The following GRID1 variants were observed in gnomAD, a reference collection of about 807,000 sequenced individuals.
The protein encoded by GRID1 is glutamate ionotropic receptor delta type subunit 1, also known as glutamate receptor ionotropic, delta-1.
A neutral mutation model predicts 98.0 loss-of-function variants in GRID1; 28 were observed. The observed-to-expected ratio is 0.29, with a 90% CI of 0.21 to 0.39. GRID1 has a LOEUF of 0.39. Among genes scored for constraint, GRID1 ranks in the 10% least tolerant of loss-of-function variants. GRID1 has a pLI of 1.00. For missense variants in GRID1, 1,111 were observed against 1,340.5 expected, an observed-to-expected ratio of 0.83 and a Z score of 2.67; for synonymous variants, 553 against 538.5, an observed-to-expected ratio of 1.03 and a Z score of -0.37.
At chr10:85,837,087 C>T (rs1479994216) in intron 8 of GRID1, among the ~76,000 whole-genome samples, 1 of 152,116 alleles carries the variant, frequency 6.6e-6, no homozygotes, top group African/African-American at 2.4e-5. Flanking sequence ...TTTGTCTCCC[C>T]ACCCCCACCA....
chr10:86,136,017 ACTC>A (rs1230333282), intron 4 of GRID1, among the ~76,000 whole-genome samples: 1 of 151,750 alleles, frequency 6.6e-6, no homozygotes, highest in African/African-American at 2.4e-5. Flanking sequence ...GGAGACATTT[ACTC>A]CTCCTTAACT....
intron 4 of GRID1, among the ~76,000 whole-genome samples, chr10:86,036,464 G>A (rs569861934): frequency 4.6e-5 from 7 of 152,278 alleles, no homozygotes; most frequent in South Asian, 2.1e-4. Flanking sequence ...GAACGCAGCC[G>A]CAGGCACTGT....
intron 5 of GRID1, among the ~76,000 whole-genome samples, chr10:85,874,865 G>GTACT (rs1554836793): frequency 6.6e-6 from 1 of 151,836 alleles, no homozygotes; most frequent in African/African-American, 2.4e-5. Context: ...TTTATTTTAT[G>GTACT]TATTTATTTA....
chr10:86,319,516 GT>G (rs1430759259), intron 2 of GRID1, among the ~76,000 whole-genome samples: 1 of 152,174 alleles, frequency 6.6e-6, no homozygotes, highest in Non-Finnish European at 1.5e-5. Flanking sequence ...GGATGAAGGG[GT>G]GGGATCCCCT....
At chr10:86,274,728 A>T in intron 2 of GRID1, among the ~76,000 whole-genome samples, 1 of 151,338 alleles carries the variant, frequency 6.6e-6, no homozygotes. Context: ...TTATTGGTGT[A>T]TAAGAATGCT....
In GRID1 at chr10:85,972,611, A is replaced by G. The variant is rs142188767; in HGVS notation, c.727-56372T>C. Among the ~76,000 whole-genome samples, 877 of 152,072 alleles carry G rather than the reference A, an allele frequency of 5.8e-3. 8 individuals carry two copies. The highest frequency in any genetic ancestry group is 0.02 in the African/African-American group (816 of 41,526). Reference sequence around the variant, plus strand: ...CAATCATCATGTTTATTGGCTACACAATAGTCTATTGCGTGGCTATTCCAT... The same window carrying G: ...CAATCATCATGTTTATTGGCTACACGATAGTCTATTGCGTGGCTATTCCAT... On this transcript the variant is annotated intron_variant, in intron 4 of 15. Transcript: ENST00000327946.
chr10:85,730,950 G>A (rs1841815076), intron 8 of GRID1, among the ~76,000 whole-genome samples: 1 of 152,146 alleles, frequency 6.6e-6, no homozygotes, highest in Admixed American at 6.5e-5. Context: ...TGTTGTCAGG[G>A]AAAATCCATA....
intron 12 of GRID1, among the ~76,000 whole-genome samples, chr10:85,696,430 A>G (rs1333264453): frequency 6.6e-6 from 1 of 152,130 alleles, no homozygotes; most frequent in Non-Finnish European, 1.5e-5. Flanking sequence ...TGCTCTAAAA[A>G]TATGGACTAA....
intron 12 of GRID1, among the ~76,000 whole-genome samples, chr10:85,693,712 G>T (rs1841358769): frequency 6.6e-6 from 1 of 152,116 alleles, no homozygotes; most frequent in Non-Finnish European, 1.5e-5. Flanking sequence ...TAAATAGTGT[G>T]GGGAAAATTG....
chr10:86,308,808 G>A lies in GRID1; in HGVS notation c.235+55133C>T, dbSNP rs744068. 6.3e-3 allele frequency among the ~76,000 whole-genome samples: 956 copies of A among 152,238 alleles called. 8 individuals carry two copies. The highest frequency in any genetic ancestry group is 0.022 in the African/African-American group (910 of 41,518). ...GGAAGGCACAAGGGCAGGAGAGCACGAGAGAGCACGAGAGGGCCTACCTCA... is the reference window on the plus strand; with the variant it reads ...GGAAGGCACAAGGGCAGGAGAGCACAAGAGAGCACGAGAGGGCCTACCTCA... On this transcript the variant is annotated intron_variant, in intron 2 of 15. Coordinates refer to ENST00000327946, the MANE Select transcript of GRID1 (RefSeq NM_017551.3).
intron 13 of GRID1, among the ~76,000 whole-genome samples, chr10:85,624,136 T>C (rs1291439448): frequency 6.6e-6 from 1 of 152,230 alleles, no homozygotes; most frequent in African/African-American, 2.4e-5. Flanking sequence ...ACAGGCATGA[T>C]AGGTGGTGAG....
intron 2 of GRID1, among the ~76,000 whole-genome samples, chr10:86,237,260 T>C (rs1432135645): frequency 6.6e-6 from 1 of 152,204 alleles, no homozygotes; most frequent in Non-Finnish European, 1.5e-5. Context: ...TGGATTTGTG[T>C]CTCCGCTCAA....
At chr10:85,672,834 T>C (rs1404471490) in intron 12 of GRID1, among the ~76,000 whole-genome samples, 1 of 152,206 alleles carries the variant, frequency 6.6e-6, no homozygotes, top group Non-Finnish European at 1.5e-5. Context: ...CAACATCCAT[T>C]CTGCAGCCCA....
chr10:86,065,322 AG>A (rs1030248405), intron 4 of GRID1, among the ~76,000 whole-genome samples: 3 of 152,234 alleles, frequency 2.0e-5, no homozygotes, highest in African/African-American at 7.2e-5. Flanking sequence ...CAAGCCCTCC[AG>A]GGGATTATGA....
intron 2 of GRID1, among the ~76,000 whole-genome samples, chr10:86,250,916 G>T (rs1257815391): frequency 6.6e-6 from 1 of 152,220 alleles, no homozygotes; most frequent in East Asian, 1.9e-4. Flanking sequence ...GGGAAATGTG[G>T]GGAAAGGAAG....
At chr10:86,107,495 G>C (rs1844408760) in intron 4 of GRID1, among the ~76,000 whole-genome samples, 1 of 152,226 alleles carries the variant, frequency 6.6e-6, no homozygotes, top group Non-Finnish European at 1.5e-5. Flanking sequence ...CCCTTTAAAT[G>C]ATACAGAATG....
At chr10:85,759,794 G>A (rs897108043) in intron 8 of GRID1, among the ~76,000 whole-genome samples, 3 of 152,130 alleles carry the variant, frequency 2.0e-5, no homozygotes, top group Non-Finnish European at 2.9e-5. Context: ...TCAATTCTAT[G>A]TCTATAAAGT....
In GRID1 at chr10:85,599,821, A is replaced by ATATATATATATATATATATATAT. The variant is rs1470286241; in HGVS notation, c.*2451_*2452insATATATATATATATATATATATA. The ATATATATATATATATATATATAT allele has an allele frequency of 5.4e-5, 7 of 129,354 alleles. No individual in the cohort carries two copies. The highest frequency in any genetic ancestry group is 2.5e-4 in the South Asian group (1 of 4,016). The allele number at this position is 129,354 out of a possible 1,614,324, so 8.0% of individuals were successfully genotyped here. A position where few individuals can be genotyped will look rare whatever the true frequency, so the allele number is the denominator to read the frequency against. On this transcript the variant is annotated 3_prime_UTR_variant, in exon 16 of 16. Transcript: ENST00000327946. ...AAAAAAAATATATATATATATATAT[A>ATATATATATATATATATATATAT]AACATGGTGAAGAATAACACCATGA...
intron 15 of GRID1, among the ~76,000 whole-genome samples, chr10:85,609,960 G>A (rs1842715396): frequency 2.0e-5 from 3 of 152,146 alleles, no homozygotes; most frequent in Admixed American, 6.5e-5. Context: ...AAAAATATGA[G>A]CTGAAATCTA....
Sources: allele counts gnomAD v4.1 joint callset (sites outside exome capture counted in the v4.1 genomes callset), GRCh38; gene constraint gnomAD v4.1.1; transcripts MANE v1.5; gene names NCBI Gene and HGNC (gene_info 2026-07-23, HGNC 2026-07-21).